The following C1GALT1 variants were observed in gnomAD, a reference collection of about 807,000 sequenced individuals.
C1GALT1 encodes glycoprotein-N-acetylgalactosamine 3-beta-galactosyltransferase 1.
In C1GALT1, 11 loss-of-function variants were observed where a neutral mutation model predicts 31.0. The observed-to-expected ratio is 0.36, with a 90% CI of 0.22 to 0.59. The LOEUF is 0.59. Among genes scored for constraint, C1GALT1 ranks in the 20% least tolerant of loss-of-function variants. C1GALT1 has a pLI of 0.79. For missense variants in C1GALT1, 424 were observed against 425.2 expected, an observed-to-expected ratio of 1.00 and a Z score of 0.03; for synonymous variants, 175 against 143.6, an observed-to-expected ratio of 1.22 and a Z score of -1.56.
intron 1 of C1GALT1, among the ~76,000 whole-genome samples, chr7:7,203,107 T>TC (rs61302463): frequency 1.3e-5 from 2 of 150,378 alleles, no homozygotes; most frequent in Non-Finnish European, 3.0e-5. Flanking sequence ...TTTTTTTTTT[T>TC]GGAATCTTTA....
At chr7:7,197,812 T>C (rs1442608772) in intron 1 of C1GALT1, among the ~76,000 whole-genome samples, 1 of 152,224 alleles carries the variant, frequency 6.6e-6, no homozygotes, top group Non-Finnish European at 1.5e-5. Flanking sequence ...CAGTCGTGAA[T>C]GGGAGTTCAC....
At chr7:7,231,714 G>C (rs1261316490) in intron 1 of C1GALT1, among the ~76,000 whole-genome samples, 2 of 150,730 alleles carry the variant, frequency 1.3e-5, no homozygotes, top group African/African-American at 4.9e-5. Flanking sequence ...ACTTTTTTGT[G>C]TTTAGCCGTA....
chr7:7,181,387 C>T (rs1780585213), upstream of C1GALT1, among the ~76,000 whole-genome samples: 1 of 152,134 alleles, frequency 6.6e-6, no homozygotes, highest in Non-Finnish European at 1.5e-5. Flanking sequence ...ATAACCTGGA[C>T]ATCAGGATAG....
chr7:7,188,656 A>G (rs1476466273), intron 1 of C1GALT1, among the ~76,000 whole-genome samples: 1 of 152,216 alleles, frequency 6.6e-6, no homozygotes, highest in Non-Finnish European at 1.5e-5. Context: ...AGCTCTTGTT[A>G]AATATCATAT....
rs1391622591 is a variant in C1GALT1, at chr7:7,246,200, T to C, written c.*2473T>C. Reference sequence around the variant, plus strand: ...AAATTTGGGTGTTATACCCCTATTATAGATAAGGAAACTGAGGCTCAGAGA... The same window carrying C: ...AAATTTGGGTGTTATACCCCTATTACAGATAAGGAAACTGAGGCTCAGAGA... On this transcript the variant is annotated 3_prime_UTR_variant, in exon 4 of 4. Coordinates refer to ENST00000436587, the MANE Select transcript of C1GALT1 (RefSeq NM_020156.5). The C allele has an allele frequency of 6.7e-6, 1 of 148,960 alleles. No homozygotes were observed. Among genetic ancestry groups the C allele is most frequent in the African/African-American group, 2.5e-5 (1 of 40,130 alleles). 9.2% of individuals were successfully genotyped at this position (148,960 alleles called of 1,614,324 possible). A position where few individuals can be genotyped will look rare whatever the true frequency, so the allele number is the denominator to read the frequency against.
intron 1 of C1GALT1, among the ~76,000 whole-genome samples, chr7:7,199,605 C>T (rs1012490487): frequency 6.6e-6 from 1 of 152,126 alleles, no homozygotes; most frequent in African/African-American, 2.4e-5. Context: ...TTACAACTTT[C>T]TGTCTCGTTG....
intron 1 of C1GALT1, 77 bp downstream of exon 1, chr7:7,182,897 G>T: frequency 1.0e-6 from 1 of 956,288 alleles, no homozygotes; most frequent in Non-Finnish European, 1.2e-6. Flanking sequence ...CTCCGGGTTG[G>T]TGGGGAAGCG....
At chr7:7,207,054 A>G (rs548007469) in intron 1 of C1GALT1, among the ~76,000 whole-genome samples, 8 of 151,820 alleles carry the variant, frequency 5.3e-5, no homozygotes, top group Non-Finnish European at 8.8e-5. Context: ...TTCTCTCTCC[A>G]TTACTTGGGA....
At chr7:7,212,895 A>T (rs563359799) in intron 1 of C1GALT1, among the ~76,000 whole-genome samples, 1 of 152,202 alleles carries the variant, frequency 6.6e-6, no homozygotes, top group Non-Finnish European at 1.5e-5. Context: ...TGGCTTGACC[A>T]TGGTGCAGCC....
intron 1 of C1GALT1, among the ~76,000 whole-genome samples, chr7:7,204,391 T>G (rs1781650775): frequency 6.6e-6 from 1 of 152,082 alleles, no homozygotes; most frequent in South Asian, 2.1e-4. Flanking sequence ...ATCCTTTGTA[T>G]TTCTGTGAAA....
At chr7:7,218,996 G>A (rs1379703089) in intron 1 of C1GALT1, among the ~76,000 whole-genome samples, 1 of 151,750 alleles carries the variant, frequency 6.6e-6, no homozygotes, top group Non-Finnish European at 1.5e-5. Flanking sequence ...ACCACACCCG[G>A]CTAATTTTTT....
At chr7:7,239,011 G>A (rs758707092) in intron 3 of C1GALT1, 89 bp downstream of exon 3, 8 of 1,055,426 alleles carry the variant, frequency 7.6e-6, no homozygotes, top group Non-Finnish European at 1.1e-5. Flanking sequence ...TGTTTCTTTA[G>A]TACCAACAAC....
chr7:7,217,398 A>G (rs1269399356), intron 1 of C1GALT1, among the ~76,000 whole-genome samples: 6 of 151,726 alleles, frequency 4.0e-5, no homozygotes, highest in Non-Finnish European at 4.4e-5. Flanking sequence ...TGGTCTTGCT[A>G]CATCACCCAG....
intron 2 of C1GALT1, among the ~76,000 whole-genome samples, chr7:7,175,998 T>C (rs1019617136): frequency 3.3e-5 from 5 of 152,280 alleles, no homozygotes; most frequent in African/African-American, 4.8e-5. Context: ...TCCAAACACA[T>C]AGAGGTTCCC....
At chr7:7,232,653 C>T (rs891125101) in intron 1 of C1GALT1, among the ~76,000 whole-genome samples, 1 of 152,108 alleles carries the variant, frequency 6.6e-6, no homozygotes, top group Non-Finnish European at 1.5e-5. Flanking sequence ...CAACGCCTGG[C>T]TAATTTTTGT....
intron 1 of C1GALT1, among the ~76,000 whole-genome samples, chr7:7,206,418 A>G (rs918748916): frequency 1.3e-5 from 2 of 152,022 alleles, no homozygotes; most frequent in Non-Finnish European, 2.9e-5. Context: ...AGAATGTTTT[A>G]TTTAAGAATG....
At position 7,182,859 on chromosome 7, in the gene C1GALT1, G is replaced by A. The variant is rs375577131; in HGVS notation, c.-18+39G>A. Reference sequence around the variant, plus strand: ...AGGCGCCCTCAGGCTACGGGTCCAAGGTCTCGTCTCCCCTCGCCCTCCCCC... The same window carrying A: ...AGGCGCCCTCAGGCTACGGGTCCAAAGTCTCGTCTCCCCTCGCCCTCCCCC... On this transcript the variant is annotated intron_variant, in intron 1 of 3. Coordinates refer to ENST00000436587, the MANE Select transcript of C1GALT1 (RefSeq NM_020156.5). 5.1e-6 allele frequency: 5 copies of A among 985,376 alleles called. No homozygotes were observed. In the African/African-American group the frequency reaches 8.7e-5, roughly 17 times the overall value. 61.0% of individuals were successfully genotyped at this position (985,376 alleles called of 1,614,324 possible).
At chr7:7,215,294 T>C (rs1782184978) in intron 1 of C1GALT1, among the ~76,000 whole-genome samples, 1 of 152,174 alleles carries the variant, frequency 6.6e-6, no homozygotes, top group Non-Finnish European at 1.5e-5. Flanking sequence ...CACACCAGAT[T>C]GTTTATAACT....
At chr7:7,205,480 ATTC>A (rs2128237048) in intron 1 of C1GALT1, among the ~76,000 whole-genome samples, 1 of 152,302 alleles carries the variant, frequency 6.6e-6, no homozygotes, top group African/African-American at 2.4e-5. Context: ...GAATGCCTTC[ATTC>A]TTGTCGTCTT....
Sources: allele counts gnomAD v4.1 joint callset (sites outside exome capture counted in the v4.1 genomes callset), GRCh38; gene constraint gnomAD v4.1.1; transcripts MANE v1.5; gene names NCBI Gene and HGNC (gene_info 2026-07-23, HGNC 2026-07-21).